The following CMTM1 variants were observed in gnomAD, a reference collection of about 807,000 sequenced individuals.
The protein encoded by CMTM1 is CKLF like MARVEL transmembrane domain containing 1.
In CMTM1, 16 loss-of-function variants were observed where a neutral mutation model predicts 17.8. The ratio of observed to expected loss-of-function variants is 0.90; its 90% CI spans 0.61 to 1.37. CMTM1 has a LOEUF of 1.37. Ranked by LOEUF, CMTM1 falls within the 40% of genes most tolerant of loss-of-function variation. The probability of loss-of-function intolerance (pLI) is 0.00; values close to 1 mark genes in which losing one functional copy is unlikely to be tolerated. For synonymous variants in CMTM1, 169 were observed against 154.6 expected (o/e 1.09, Z -0.69); for missense variants, 354 against 375.6 (o/e 0.94, Z 0.47).
intron 3 of CMTM1, 117 bp downstream of exon 3, chr16:66,577,319 CCTT>C (rs1042307023): frequency 8.6e-6 from 6 of 700,464 alleles, no homozygotes; most frequent in African/African-American, 3.6e-5. Flanking sequence ...CACCCACTCT[CCTT>C]CTTGCACTGA....
chr16:66,568,000 T>A (rs1567371329), intron 1 of CMTM1, among the ~76,000 whole-genome samples: 1 of 152,220 alleles, frequency 6.6e-6, no homozygotes, highest in African/African-American at 2.4e-5. Context: ...TTTTTACAAG[T>A]TAACTCTTTC....
intron 2 of CMTM1, among the ~76,000 whole-genome samples, chr16:66,574,423 G>A (rs2013978201): frequency 6.6e-6 from 1 of 152,216 alleles, no homozygotes; most frequent in African/African-American, 2.4e-5. Flanking sequence ...GCCACTTACT[G>A]GCTGAACAAC....
chr16:66,576,558 A>G (rs1275977009), intron 2 of CMTM1, among the ~76,000 whole-genome samples: 1 of 152,222 alleles, frequency 6.6e-6, no homozygotes, highest in Non-Finnish European at 1.5e-5. Context: ...AGATGAGTTC[A>G]TATGCTCTTG....
chr16:66,573,445 T>A (rs948920916), intron 2 of CMTM1, among the ~76,000 whole-genome samples: 4 of 152,194 alleles, frequency 2.6e-5, no homozygotes, highest in African/African-American at 9.7e-5. Flanking sequence ...GCTCATATTT[T>A]AAACACTTCT....
At chr16:66,576,953 T>A (rs1455910605) in intron 2 of CMTM1, 151 bp from the exon 3 acceptor site, 4 of 615,714 alleles carry the variant, frequency 6.5e-6, no homozygotes, top group African/African-American at 5.5e-5. Flanking sequence ...CTGGACGATG[T>A]AAGAATTATG....
chr16:66,571,077 A>G (rs756615682), intron 2 of CMTM1: 2 of 442,674 alleles, frequency 4.5e-6, no homozygotes, highest in East Asian at 1.4e-4. Flanking sequence ...AAACTCAAAC[A>G]TTGTCTTCAA....
chr16:66,577,007 T>C (rs933084110), intron 2 of CMTM1, 97 bp from the exon 3 acceptor site: 9 of 1,065,326 alleles, frequency 8.4e-6, no homozygotes, highest in Non-Finnish European at 1.2e-5. Context: ...GAAGGTTTTT[T>C]AAAGGCATCT....
Position 66,570,055 on chromosome 16 carries a change from C to T in CMTM1, c.552C>T (p.Thr184=). 1 of 1,608,400 alleles carries T rather than the reference C, an allele frequency of 6.2e-7. No individual in the cohort carries two copies. The highest frequency in any genetic ancestry group is 8.5e-7 in the Non-Finnish European group (1 of 1,178,044). Reference sequence around the variant, plus strand: ...TTTTTATTCTAATATATGTGCTAACCCTTCACCACTTGCTGACCTATTTAC... The same window carrying T: ...TTTTTATTCTAATATATGTGCTAACTCTTCACCACTTGCTGACCTATTTAC... The part of the protein sequence containing the change: ...VVFFILIYVL[T]LHHLLTYLHW... Residue 184 remains threonine (T), a synonymous_variant, in exon 2 of 4, where the codon ACC becomes ACT. Transcript: ENST00000379500.
At chr16:66,571,421 A>G (rs989615999) in intron 2 of CMTM1, among the ~76,000 whole-genome samples, 5 of 152,232 alleles carry the variant, frequency 3.3e-5, no homozygotes, top group Admixed American at 1.3e-4. Flanking sequence ...TCAGTTGCCA[A>G]TTGAATTCAA....
chr16:66,566,764 G>A lies in CMTM1; in HGVS notation c.251G>A (p.Arg84His). ...GTAPSRKATT[R>H]PPPKPTLPPP... ...GCACCCTCAAGGAAAGCCACCACAC[G>A]CCCACCCCCAAAGCCCACACTCCCA... The change falls in exon 1 of 4, where the codon CGC (arginine) becomes CAC (histidine). Residue 84 changes from arginine (R) to histidine (H), a missense_variant. Physicochemically the swap from Arg to His is conservative, Grantham distance 29. Coordinates refer to ENST00000379500, the MANE Select transcript of CMTM1 (RefSeq NM_052999.4). This position sits in a 1 kb window ranked among gnomAD's most constrained non-coding sequence, Gnocchi z 4.9. The A allele has an allele frequency of 1.9e-6, 3 of 1,613,284 alleles. No homozygotes were observed. Among genetic ancestry groups the A allele is most frequent in the Non-Finnish European group, 2.5e-6 (3 of 1,179,718 alleles).
At position 66,578,940 on chromosome 16, in the gene CMTM1, T is replaced by C. The variant is rs773737131; in HGVS notation, c.800T>C (p.Leu267Pro). 1 of 1,614,126 alleles carries C rather than the reference T, an allele frequency of 6.2e-7. No homozygotes were observed. Among genetic ancestry groups the C allele is most frequent in the Non-Finnish European group, 8.5e-7 (1 of 1,180,010 alleles). The stretch of plus-strand genomic sequence containing the variant: ...CTGGGAGTCGAAGTTGAAAGGAAGC[T>C]TTCCCCCGCCAAGGACGCCTACCCC... ...RFLGVEVERK[L>P]SPAKDAYPET... The change falls in exon 4 of 4, where the codon CTT (leucine) becomes CCT (proline). Residue 267 changes from leucine (L) to proline (P), a missense_variant. By Grantham distance (98) the Leu-to-Pro change is moderately conservative. Coordinates refer to ENST00000379500, the MANE Select transcript of CMTM1 (RefSeq NM_052999.4).
At position 66,579,043 on chromosome 16, in the gene CMTM1, C is replaced by T. The variant is rs1361293884; in HGVS notation, c.*42C>T. ...TAGCAGATGCACGTGTCTGTCGAAT[C>T]GCTGCCTCCGAGCCCACCCCCGAGC... is the stretch of plus-strand genomic sequence containing the variant. On this transcript the variant is annotated 3_prime_UTR_variant, in exon 4 of 4. Transcript: ENST00000379500. This position sits in a 1 kb window ranked among gnomAD's most constrained non-coding sequence, Gnocchi z 6.5. 9 of 1,599,100 alleles carry T rather than the reference C, an allele frequency of 5.6e-6. No individual in the cohort carries two copies. In the East Asian group the frequency reaches 1.1e-4, roughly 20 times the overall value.
intron 3 of CMTM1, among the ~76,000 whole-genome samples, chr16:66,578,452 C>G (rs1461260533): frequency 1.3e-5 from 2 of 152,172 alleles, no homozygotes; most frequent in African/African-American, 4.8e-5. Context: ...GGGTCCTCCT[C>G]CTCCCCTTAG....
At position 66,566,814 on chromosome 16, in the gene CMTM1, G is replaced by C. The variant is rs867812910; in HGVS notation, c.301G>C (p.Glu101Gln). ...ACCCCCCACGCCCTCTGCACACACT[G>C]AATCCAAACTCTTAAATGAGATGGC... is the stretch of plus-strand genomic sequence containing the variant. ...LPPPTPSAHT[E>Q]SKLLNEMAIK... is the part of the protein sequence containing the mutation. The change falls in exon 1 of 4, where the codon GAA (glutamate) becomes CAA (glutamine). Residue 101 changes from glutamate (E) to glutamine (Q), a missense_variant. Transcript: ENST00000379500. The surrounding 1 kb of genome is among the most constrained non-coding windows in gnomAD (Gnocchi z 4.9). The C allele has an allele frequency of 3.7e-6, 6 of 1,612,594 alleles. No homozygotes were observed. The highest frequency in any genetic ancestry group is 3.4e-6 in the Non-Finnish European group (4 of 1,179,898).
chr16:66,569,843 G>A (rs1377178750), intron 1 of CMTM1, 93 bp from the exon 2 acceptor site: 1 of 829,626 alleles, frequency 1.2e-6, no homozygotes, highest in Non-Finnish European at 1.9e-6. Flanking sequence ...AACAATACAG[G>A]CCACTGTACT....
At chr16:66,574,923 G>T in intron 2 of CMTM1, 1 of 983,508 alleles carries the variant, frequency 1.0e-6, no homozygotes, top group Non-Finnish European at 1.2e-6. Context: ...GACTACCTTG[G>T]TTTATACAAT....
intron 1 of CMTM1, among the ~76,000 whole-genome samples, chr16:66,567,830 G>C (rs1567371256): frequency 1.3e-5 from 2 of 152,298 alleles, no homozygotes; most frequent in Middle Eastern, 3.4e-3. Context: ...TTGCAAAATA[G>C]ATGTGAATAA....
rs545238219 is a variant in CMTM1 at position 66,571,043 on chromosome 16, AG to A, written c.591+950del. 1.4e-3 allele frequency: 597 copies of A among 427,530 alleles called. 14 individuals are homozygous for A. The highest frequency in any genetic ancestry group is 9.7e-3 in the South Asian group (576 of 59,254). The allele number at this position is 427,530 out of a possible 1,614,324, so 26.5% of individuals were successfully genotyped here. A position where few individuals can be genotyped will look rare whatever the true frequency, so the allele number is the denominator to read the frequency against. Reference sequence around the variant, plus strand: ...TTATAGAACATTTTTCTAACCTTAAAGTCAGAATGTTCCTTTTGAGCTAAAA... The same window carrying A: ...TTATAGAACATTTTTCTAACCTTAAATCAGAATGTTCCTTTTGAGCTAAAA... On this transcript the variant is annotated intron_variant, in intron 2 of 3. Transcript: ENST00000379500.
chr16:66,570,056 C>G lies in CMTM1; in HGVS notation c.553C>G (p.Leu185Val). The stretch of plus-strand genomic sequence containing the variant: ...TTTTATTCTAATATATGTGCTAACC[C>G]TTCACCACTTGCTGACCTATTTACA... Reference protein sequence around the residue: ...VFFILIYVLTLHHLLTYLHWP... With the variant: ...VFFILIYVLTVHHLLTYLHWP... The change falls in exon 2 of 4, where the codon CTT becomes GTT. Residue 185 changes from leucine (L) to valine (V), a missense_variant. Leu to Val is a conservative substitution (Grantham distance 32). Transcript: ENST00000379500. The G allele has an allele frequency of 1.2e-6, 2 of 1,608,996 alleles. No individual in the cohort carries two copies. The highest frequency in any genetic ancestry group is 1.7e-6 in the Non-Finnish European group (2 of 1,178,452).
Sources: gnomAD v4.1 joint callset for allele counts (sites outside exome capture counted in the v4.1 genomes callset) on GRCh38, gnomAD v4.1.1 for gene constraint, Gnocchi (gnomAD v3.1) non-coding constraint, MANE v1.5 for transcripts, NCBI Gene and HGNC (gene_info 2026-07-23, HGNC 2026-07-21) for gene names.